Variants in MAGI1 observed in about 807,000 individuals in gnomAD.
MAGI1 encodes membrane associated guanylate kinase, WW and PDZ domain containing 1, also known as membrane-associated guanylate kinase, WW and PDZ domain-containing protein 1.
Under a neutral mutation model 139.9 loss-of-function variants are expected in MAGI1, and 58 were observed. The ratio of observed to expected loss-of-function variants is 0.41; its 90% CI spans 0.34 to 0.52. The LOEUF is 0.52. Ranked by LOEUF, MAGI1 falls within the 20% of genes least tolerant of loss-of-function variation. The pLI is 0.12. For synonymous variants in MAGI1, 812 were observed against 737.9 expected (o/e 1.10, Z -1.63); for missense variants, 1,874 against 1,901.6 (o/e 0.99, Z 0.27).
chr3:65,426,201 T>C (rs1464316148), intron 12 of MAGI1, among the ~76,000 whole-genome samples: 1 of 152,098 alleles, frequency 6.6e-6, no homozygotes, highest in South Asian at 2.1e-4. Context: ...TCCCGGCTAC[T>C]TGGGAGTATG....
At chr3:66,011,079 G>A (rs1183199829) in intron 1 of MAGI1, among the ~76,000 whole-genome samples, 1 of 152,134 alleles carries the variant, frequency 6.6e-6, no homozygotes, top group East Asian at 1.9e-4. Flanking sequence ...TATAATAGAG[G>A]GCTAGAGTTC....
At chr3:65,968,415 C>A (rs1034015055) in intron 1 of MAGI1, among the ~76,000 whole-genome samples, 2 of 152,016 alleles carry the variant, frequency 1.3e-5, no homozygotes, top group Non-Finnish European at 2.9e-5. Context: ...ATACAGAACA[C>A]TGATTCAAAG....
At chr3:65,595,174 G>C (rs750386448) in intron 2 of MAGI1, among the ~76,000 whole-genome samples, 1 of 152,180 alleles carries the variant, frequency 6.6e-6, no homozygotes, top group African/African-American at 2.4e-5. Flanking sequence ...TAGAAAACAA[G>C]GGGAAAGGAG....
intron 1 of MAGI1, among the ~76,000 whole-genome samples, chr3:65,629,561 CA>C (rs57784561): frequency 0.012 from 1,751 of 142,860 alleles, 22 homozygotes; most frequent in African/African-American, 0.034. Context: ...GCTATTACAG[CA>C]AAAAAAAAAA....
chr3:65,579,229 G>C (rs972452231), intron 2 of MAGI1, among the ~76,000 whole-genome samples: 5 of 152,124 alleles, frequency 3.3e-5, no homozygotes, highest in Non-Finnish European at 7.3e-5. Flanking sequence ...GGCTTAGCAA[G>C]ACCAGGTGAC....
Position 65,429,558 on chromosome 3 carries a change from G to C in MAGI1, c.2129C>G (p.Pro710Arg), listed in dbSNP as rs960379551. The change falls in exon 12 of 23, where the codon CCT becomes CGT. Residue 710 changes from proline (P) to arginine (R), a missense_variant. Physicochemically the swap from Pro to Arg is moderately radical, Grantham distance 103 (BLOSUM62 -2). This residue lies in a region of MAGI1 where 482 missense variants were observed against 509.6 expected (regional missense o/e 0.95). Coordinates refer to ENST00000402939, the MANE Select transcript of MAGI1 (RefSeq NM_001033057.2). ...CAACAATGTGACCTCACTTCCCTTAGGACACTCAACCAGCATATCCACCAC... is the reference window on the plus strand; with the variant it reads ...CAACAATGTGACCTCACTTCCCTTACGACACTCAACCAGCATATCCACCAC... ...NQVVDMLVEC[P>R]KGSEVTLLVQ... 3 of 1,613,610 alleles carry C rather than the reference G, an allele frequency of 1.9e-6. No homozygotes were observed. The African/African-American group carries it at 4.0e-5, about 22-fold the overall frequency.
chr3:65,731,677 A>AAG (rs2034212929), intron 1 of MAGI1, among the ~76,000 whole-genome samples: 1 of 149,850 alleles, frequency 6.7e-6, no homozygotes, highest in African/African-American at 2.5e-5. Context: ...AAAAAAAAAA[A>AAG]AAAGAAAGAA....
intron 3 of MAGI1, among the ~76,000 whole-genome samples, chr3:65,491,800 A>G (rs1261622792): frequency 6.6e-6 from 1 of 152,014 alleles, no homozygotes; most frequent in Non-Finnish European, 1.5e-5. Context: ...CAGGAAACTA[A>G]GCCAACTGAT....
At chr3:65,376,068 G>A in intron 17 of MAGI1, 123 bp from the exon 18 acceptor site, 3 of 704,800 alleles carry the variant, frequency 4.3e-6, no homozygotes, top group South Asian at 1.9e-5. Context: ...TTAAGCAAAT[G>A]TTATTAAAGG....
At chr3:65,993,848 T>C (rs756083981) in intron 1 of MAGI1, among the ~76,000 whole-genome samples, 3 of 152,124 alleles carry the variant, frequency 2.0e-5, no homozygotes, top group South Asian at 2.1e-4. Flanking sequence ...TTCTACCTGA[T>C]TGCAAGGTTC....
chr3:65,675,074 A>T (rs577813545), intron 1 of MAGI1, among the ~76,000 whole-genome samples: 1 of 152,214 alleles, frequency 6.6e-6, no homozygotes, highest in South Asian at 2.1e-4. Context: ...AGAGGAGGAG[A>T]AACATTCTGA....
chr3:65,951,178 T>C (rs539905786), intron 1 of MAGI1, among the ~76,000 whole-genome samples: 115 of 152,342 alleles, frequency 7.5e-4, no homozygotes, highest in African/African-American at 2.7e-3. Context: ...ATTCAATCAC[T>C]GTTTTCTCCT....
intron 1 of MAGI1, among the ~76,000 whole-genome samples, chr3:66,016,562 C>A (rs977545823): frequency 3.9e-5 from 6 of 152,152 alleles, no homozygotes; most frequent in African/African-American, 1.4e-4. Flanking sequence ...GCAATATGTG[C>A]CCCAGCACCG....
In MAGI1 at chr3:66,038,005, C is replaced by A; in HGVS notation, c.304G>T (p.Val102Phe). 1.3e-6 allele frequency: 2 copies of A among 1,578,074 alleles called. No individual in the cohort carries two copies. Among genetic ancestry groups the A allele is most frequent in the South Asian group, 1.2e-5 (1 of 85,900 alleles). Residue 102 changes from valine to phenylalanine, a missense_variant, in exon 1 of 23, where the codon GTC becomes TTC. This residue lies in a region of MAGI1 where 648 missense variants were observed against 598.1 expected (regional missense o/e 1.08). Coordinates refer to ENST00000402939, the MANE Select transcript of MAGI1 (RefSeq NM_001033057.2). ...GCGCGCCCTGCCTTACCTTGTCTGA[C>A]GGCCTTGAAGGTGACGGCCTCCTTG... Reference protein sequence around the residue: ...SCKEAVTFKAVRQGGRLNKDL... With the variant: ...SCKEAVTFKAFRQGGRLNKDL...
intron 2 of MAGI1, among the ~76,000 whole-genome samples, chr3:65,541,494 C>T (rs2079222783): frequency 6.6e-6 from 1 of 152,136 alleles, no homozygotes; most frequent in Non-Finnish European, 1.5e-5. Context: ...GTGAATATCC[C>T]TGATGAACAT....
intron 14 of MAGI1, among the ~76,000 whole-genome samples, chr3:65,390,173 A>G (rs1373369169): frequency 6.6e-6 from 1 of 152,146 alleles, no homozygotes; most frequent in Non-Finnish European, 1.5e-5. Context: ...GACCCTGCTG[A>G]GCAGTGACCA....
At chr3:65,852,863 C>T (rs2059250611) in intron 1 of MAGI1, among the ~76,000 whole-genome samples, 1 of 151,858 alleles carries the variant, frequency 6.6e-6, no homozygotes, top group Non-Finnish European at 1.5e-5. Flanking sequence ...TGGCTGGGCG[C>T]CATGGCTCAC....
intron 12 of MAGI1, among the ~76,000 whole-genome samples, chr3:65,406,786 G>A (rs1362011688): frequency 6.8e-6 from 1 of 147,378 alleles, no homozygotes; most frequent in Admixed American, 6.9e-5. Flanking sequence ...TACACACACA[G>A]TTATAGATCT....
intron 1 of MAGI1, among the ~76,000 whole-genome samples, chr3:65,882,251 G>C (rs753730696): frequency 5.9e-5 from 9 of 152,186 alleles, no homozygotes; most frequent in Non-Finnish European, 1.3e-4. Flanking sequence ...GTTAGTAACA[G>C]AAACCAACTC....
Sources: allele counts gnomAD v4.1 joint callset (sites outside exome capture counted in the v4.1 genomes callset), GRCh38; gene constraint gnomAD v4.1.1; regional missense constraint gnomAD v4.1.1; transcripts MANE v1.5; gene names NCBI Gene and HGNC (gene_info 2026-07-23, HGNC 2026-07-21).